Variants in TMX2 observed in about 807,000 individuals in gnomAD.
TMX2 encodes the protein thioredoxin related transmembrane protein 2.
TMX2 carries 20 observed loss-of-function variants against 33.4 expected under a neutral mutation model. The ratio of observed to expected loss-of-function variants is 0.60; its 90% CI spans 0.42 to 0.87. TMX2 has a LOEUF of 0.87. Ranked by LOEUF, TMX2 falls within the 40% of genes least tolerant of loss-of-function variation. The pLI, the probability that TMX2 is intolerant of heterozygous loss-of-function variation, is 0.00. For missense variants in TMX2, 340 were observed against 370.7 expected (o/e 0.92, Z 0.68); for synonymous variants, 166 against 140.7 (o/e 1.18, Z -1.27).
At chr11:57,739,963 G>C (rs1948991070) in intron 7 of TMX2, 136 bp from the exon 8 acceptor site, 1 of 1,205,304 alleles carries the variant, frequency 8.3e-7, no homozygotes, top group South Asian at 1.4e-5. Context: ...ACCTAAAAAA[G>C]AGGAAGGTTA....
intron 1 of TMX2, among the ~76,000 whole-genome samples, chr11:57,729,829 A>G (rs555610684): frequency 1.1e-3 from 164 of 152,284 alleles, no homozygotes; most frequent in Non-Finnish European, 1.5e-3. Context: ...AAAAGCGGGT[A>G]GGGCGCAGTG....
Position 57,719,813 on chromosome 11 carries a change from C to T in TMX2, c.189+7006C>T, listed in dbSNP as rs1182973088. On this transcript the variant is annotated intron_variant, in intron 1 of 7. Coordinates refer to ENST00000278422, the MANE Select transcript of TMX2 (RefSeq NM_015959.4). ...GACTATAGGCATGAACTACTGCACCCTGCCTTGAAAATGTAAAATTTCATT... is the reference window on the plus strand; with the variant it reads ...GACTATAGGCATGAACTACTGCACCTTGCCTTGAAAATGTAAAATTTCATT... 3.3e-5 allele frequency among the ~76,000 whole-genome samples: 5 copies of T among 152,082 alleles called. No homozygotes were observed. In the South Asian group the frequency reaches 6.2e-4, roughly 19 times the overall value.
chr11:57,740,170 C>T lies in TMX2; in HGVS notation c.816C>T (p.Asp272=), dbSNP rs1048098926. Residue 272 remains aspartate, a synonymous_variant, in exon 8 of 8, where the codon GAC becomes GAT. Coordinates refer to ENST00000278422, the MANE Select transcript of TMX2 (RefSeq NM_015959.4). ...QRAKKLSKAG[D]NIPEEQPVAS... ...CCAAGAAACTATCAAAGGCTGGAGA[C>T]AATATCCCTGAGGAGCAGCCTGTGG... The T allele has an allele frequency of 1.2e-6, 2 of 1,613,970 alleles. No homozygotes were observed. The highest frequency in any genetic ancestry group is 3.3e-5 in the Admixed American group (2 of 60,008).
chr11:57,731,433 C>A (rs982119913), intron 1 of TMX2, among the ~76,000 whole-genome samples: 1 of 66,998 alleles, frequency 1.5e-5, no homozygotes, highest in Non-Finnish European at 2.8e-5. Flanking sequence ...CGCACCCAGC[C>A]TTTTTTTTTT....
intron 1 of TMX2, among the ~76,000 whole-genome samples, chr11:57,723,610 G>T (rs1417253475): frequency 6.6e-6 from 1 of 151,008 alleles, no homozygotes; most frequent in Non-Finnish European, 1.5e-5. Context: ...AGACCAGCCT[G>T]GCCAACATGG....
chr11:57,712,844 C>T (rs1946701356), intron 1 of TMX2, 37 bp downstream of exon 1: 1 of 1,611,026 alleles, frequency 6.2e-7, no homozygotes, highest in Non-Finnish European at 8.5e-7. Context: ...GCGACCTTGA[C>T]TGTCCCTGCC....
At chr11:57,735,045 G>T (rs557751632) in intron 1 of TMX2, among the ~76,000 whole-genome samples, 7 of 151,634 alleles carry the variant, frequency 4.6e-5, no homozygotes, top group African/African-American at 1.7e-4. Context: ...CAGGAGAATC[G>T]GTTGAACCTG....
At chr11:57,721,225 T>C (rs1331017057) in intron 1 of TMX2, among the ~76,000 whole-genome samples, 7 of 152,084 alleles carry the variant, frequency 4.6e-5, no homozygotes, top group African/African-American at 1.7e-4. Flanking sequence ...TTGCTTGAAC[T>C]GGGAGGCAGA....
At chr11:57,732,143 C>T (rs948100812) in intron 1 of TMX2, among the ~76,000 whole-genome samples, 1 of 152,080 alleles carries the variant, frequency 6.6e-6, no homozygotes, top group African/African-American at 2.4e-5. Context: ...TTTCCGTGTG[C>T]GTTGATAAAT....
intron 1 of TMX2, among the ~76,000 whole-genome samples, chr11:57,733,409 C>CA (rs780311126): frequency 2.6e-5 from 4 of 152,000 alleles, no homozygotes; most frequent in Non-Finnish European, 5.9e-5. Flanking sequence ...TGCCCGCCAT[C>CA]ACGCCTGGCT....
chr11:57,721,983 T>G (rs1321038929), intron 1 of TMX2, among the ~76,000 whole-genome samples: 1 of 152,158 alleles, frequency 6.6e-6, no homozygotes, highest in Non-Finnish European at 1.5e-5. Context: ...TATTTATTTA[T>G]TTTTTAAATT....
Position 57,731,141 on chromosome 11 carries a change from T to G in TMX2, c.190-6467T>G, listed in dbSNP as rs866579037. Among the ~76,000 whole-genome samples, 1,211 of 140,412 alleles carry G rather than the reference T, an allele frequency of 8.6e-3. 28 individuals are homozygous for G. The highest frequency in any genetic ancestry group is 0.029 in the African/African-American group (1,113 of 38,040). 92.1% of individuals were successfully genotyped at this position (140,412 alleles called of 152,430 possible). A position where few individuals can be genotyped will look rare whatever the true frequency, so the allele number is the denominator to read the frequency against. On this transcript the variant is annotated intron_variant, in intron 1 of 7. Transcript: ENST00000278422. Reference sequence around the variant, plus strand: ...TTGTTTTTTGTTTTTTTTTTTTTTTTTTTTTTTTTTTTGAGATCCAGTTTC... The same window carrying G: ...TTGTTTTTTGTTTTTTTTTTTTTTTGTTTTTTTTTTTTGAGATCCAGTTTC...
In TMX2 at chr11:57,726,587, A is replaced by G. The variant is rs535379513; in HGVS notation, c.190-11021A>G. Among the ~76,000 whole-genome samples, 5 of 152,316 alleles carry G rather than the reference A, an allele frequency of 3.3e-5. No homozygotes were observed. In the East Asian group the frequency reaches 5.8e-4, roughly 18 times the overall value. ...AAGTCTTTTGACTCTTAAGGCCCTCAGCCATAGGGAGTCCTGCCAAGGAAA... is the reference window on the plus strand; with the variant it reads ...AAGTCTTTTGACTCTTAAGGCCCTCGGCCATAGGGAGTCCTGCCAAGGAAA... On this transcript the variant is annotated intron_variant, in intron 1 of 7. Coordinates refer to ENST00000278422, the MANE Select transcript of TMX2 (RefSeq NM_015959.4).
chr11:57,738,989 G>A lies in TMX2; in HGVS notation c.564G>A (p.Gly188=), dbSNP rs1948920131. 1 of 1,613,848 alleles carries A rather than the reference G, an allele frequency of 6.2e-7. No homozygotes were observed. Among genetic ancestry groups the A allele is most frequent in the South Asian group, 1.1e-5 (1 of 91,074 alleles). The change falls in exon 6 of 8, where the codon GGG becomes GGA. Residue 188 remains glycine, a synonymous_variant. Coordinates refer to ENST00000278422, the MANE Select transcript of TMX2 (RefSeq NM_015959.4). ...TTCTTTTCAGATACAACTGTACAGG[G>A]CTAAATTTTGGGAAGGTGGATGTTG... ...ADLSLKYNCT[G]LNFGKVDVGR... is the part of the protein sequence containing the mutation.
intron 1 of TMX2, among the ~76,000 whole-genome samples, chr11:57,729,973 T>A (rs1215560795): frequency 6.7e-6 from 1 of 149,860 alleles, no homozygotes; most frequent in African/African-American, 2.5e-5. Context: ...CCAGGCATGG[T>A]GGCATGCACT....
At chr11:57,734,206 C>T (rs1565230366) in intron 1 of TMX2, among the ~76,000 whole-genome samples, 1 of 140,618 alleles carries the variant, frequency 7.1e-6, no homozygotes, top group African/African-American at 2.6e-5. Context: ...AGGGCACACA[C>T]TTTCTTAACT....
intron 1 of TMX2, among the ~76,000 whole-genome samples, chr11:57,721,385 G>A (rs985604321): frequency 1.2e-5 from 1 of 85,406 alleles, no homozygotes; most frequent in Non-Finnish European, 2.2e-5. Context: ...TTTTGCTCTT[G>A]TTGCCTAGGC....
chr11:57,734,579 CTCT>C (rs1052788423), intron 1 of TMX2, among the ~76,000 whole-genome samples: 12 of 151,736 alleles, frequency 7.9e-5, no homozygotes, highest in Non-Finnish European at 1.6e-4. Flanking sequence ...GAAACCCCAT[CTCT>C]ACTAAAAATA....
At chr11:57,722,202 G>C (rs1454101985) in intron 1 of TMX2, among the ~76,000 whole-genome samples, 2 of 152,038 alleles carry the variant, frequency 1.3e-5, no homozygotes, top group African/African-American at 4.8e-5. Flanking sequence ...AGGTCTCACT[G>C]TGTTGCCCAG....
Sources: gnomAD v4.1 joint callset for allele counts (sites outside exome capture counted in the v4.1 genomes callset) on GRCh38, gnomAD v4.1.1 for gene constraint, MANE v1.5 for transcripts, NCBI Gene and HGNC (gene_info 2026-07-23, HGNC 2026-07-21) for gene names.